ABCA12: variants seen among roughly 807,000 people sequenced by gnomAD.
The protein encoded by ABCA12 is ATP binding cassette subfamily A member 12, also known as glucosylceramide transporter ABCA12.
A neutral mutation model predicts 293.5 loss-of-function variants in ABCA12; 156 were observed. The observed-to-expected ratio is 0.53, with a 90% CI of 0.47 to 0.61. ABCA12 has a LOEUF of 0.61. Among genes scored for constraint, ABCA12 ranks in the 20% least tolerant of loss-of-function variants. The pLI is 0.00. For synonymous variants in ABCA12, 1,063 were observed against 1,108.0 expected (o/e 0.96, Z 0.81); for missense variants, 2,797 against 3,090.2 (o/e 0.91, Z 2.25).
chr2:214,954,811 T>C (rs1698893304), intron 43 of ABCA12, among the ~76,000 whole-genome samples: 1 of 152,182 alleles, frequency 6.6e-6, no homozygotes, highest in African/African-American at 2.4e-5. Flanking sequence ...TTAGGTTTTT[T>C]CTCTATGAAT....
intron 6 of ABCA12, among the ~76,000 whole-genome samples, chr2:215,047,049 G>A (rs891582179): frequency 6.6e-6 from 1 of 152,096 alleles, no homozygotes; most frequent in Non-Finnish European, 1.5e-5. Flanking sequence ...ACACAGAGGG[G>A]AACAACACAC....
At position 214,953,934 on chromosome 2, in the gene ABCA12, C is replaced by T. The variant is rs767465812; in HGVS notation, c.6567G>A (p.Met2189Ile). 2 of 1,614,076 alleles carry T rather than the reference C, an allele frequency of 1.2e-6. No homozygotes were observed. The highest frequency in any genetic ancestry group is 1.7e-6 in the Non-Finnish European group (2 of 1,179,972). ...ETFEMNKLGA[M>I]FVALVSQGTM... Reference sequence around the variant, plus strand: ...TGCCCTGAGAAACCAAAGCCACAAACATTGCACCTAGTTTATTCATCTCAA... The same window carrying T: ...TGCCCTGAGAAACCAAAGCCACAAATATTGCACCTAGTTTATTCATCTCAA... The change falls in exon 44 of 53, where the codon ATG becomes ATA. Residue 2189 changes from methionine (M) to isoleucine (I), a missense_variant. Met to Ile is a conservative substitution (Grantham distance 10). Coordinates refer to ENST00000272895, the MANE Select transcript of ABCA12 (RefSeq NM_173076.3).
chr2:215,056,859 G>A (rs938843543), intron 3 of ABCA12, among the ~76,000 whole-genome samples: 8 of 152,040 alleles, frequency 5.3e-5, no homozygotes, highest in Non-Finnish European at 1.0e-4. Context: ...ATTCCCTGAA[G>A]TTTCTAATGA....
In ABCA12 at chr2:215,108,703, G is replaced by C. The variant is rs2948977; in HGVS notation, c.163+2894C>G. Among the ~76,000 whole-genome samples, 1,158 of 152,194 alleles carry C rather than the reference G, an allele frequency of 7.6e-3. 15 individuals carry two copies. The highest frequency in any genetic ancestry group is 0.026 in the African/African-American group (1,086 of 41,532). On this transcript the variant is annotated intron_variant, in intron 2 of 52. Transcript: ENST00000272895. ...ATACATGAGAAACAAAGAAAAACAA[G>C]AGCAATTTAAAAAACAGGATAAAAG...
At chr2:215,050,758 T>A (rs1701304291) in intron 5 of ABCA12, 1 of 982,238 alleles carries the variant, frequency 1.0e-6, no homozygotes. Context: ...TAGTCATTCA[T>A]CCGTATCTCT....
Position 214,931,785 on chromosome 2 carries a change from G to A in ABCA12, c.*849C>T, listed in dbSNP as rs1284910817. The A allele has an allele frequency of 2.0e-5, 3 of 152,450 alleles. No individual in the cohort carries two copies. Among genetic ancestry groups the A allele is most frequent in the Non-Finnish European group, 4.4e-5 (3 of 68,024 alleles). 9.4% of individuals were successfully genotyped at this position (152,450 alleles called of 1,614,324 possible). On this transcript the variant is annotated 3_prime_UTR_variant, in exon 53 of 53. Coordinates refer to ENST00000272895, the MANE Select transcript of ABCA12 (RefSeq NM_173076.3). ...TTTTCCCTCCACAGGAATGTTTCCT[G>A]AAAAGAAACCCCAAATATGAGGGTT...
chr2:214,998,885 T>C (rs1700087353), intron 22 of ABCA12, among the ~76,000 whole-genome samples: 1 of 152,198 alleles, frequency 6.6e-6, no homozygotes, highest in African/African-American at 2.4e-5. Context: ...GCTCTGTTTA[T>C]GTGTTGGGCT....
chr2:214,947,566 A>G lies in ABCA12; in HGVS notation c.7105-10T>C, dbSNP rs1574930971. ...GGAGTTTATGAACAGTCTGTAGGCA[A>G]TAAAAGGGGAGTTAGGTTGACCTTC... On this transcript the variant is annotated splice_polypyrimidine_tract_variant and intron_variant, in intron 47 of 52. Coordinates refer to ENST00000272895, the MANE Select transcript of ABCA12 (RefSeq NM_173076.3). 5.6e-6 allele frequency: 9 copies of G among 1,613,660 alleles called. No individual in the cohort carries two copies. The highest frequency in any genetic ancestry group is 2.7e-5 in the African/African-American group (2 of 74,938).
At chr2:215,007,583 T>G in intron 19 of ABCA12, 144 bp downstream of exon 19, 1 of 1,045,276 alleles carries the variant, frequency 9.6e-7, no homozygotes. Context: ...TCAGTTACCC[T>G]GTCTCAGACC....
chr2:214,942,975 C>G lies in ABCA12; in HGVS notation c.7386G>C (p.Met2462Ile), dbSNP rs373955277. Residue 2462 changes from methionine to isoleucine, a missense_variant, in exon 50 of 53, where the codon ATG becomes ATC. Physicochemically the swap from Met to Ile is conservative, Grantham distance 10. Coordinates refer to ENST00000272895, the MANE Select transcript of ABCA12 (RefSeq NM_173076.3). Reference sequence around the variant, plus strand: ...CAATACATTGAAACTTTCCATTCACCATAATGGCCAACCTGGTACAGAGAG... The same window carrying G: ...CAATACATTGAAACTTTCCATTCACGATAATGGCCAACCTGGTACAGAGAG... ...CEALCTRLAI[M>I]VNGKFQCIGS... The G allele has an allele frequency of 1.2e-5, 19 of 1,613,380 alleles. 1 individual carries two copies. The East Asian group carries it at 2.7e-4, about 23-fold the overall frequency.
chr2:215,056,202 G>A (rs1701416350), intron 3 of ABCA12, among the ~76,000 whole-genome samples: 1 of 152,030 alleles, frequency 6.6e-6, no homozygotes, highest in Admixed American at 6.6e-5. Context: ...AGAAAGAAGA[G>A]GCAATAGGAA....
chr2:215,103,985 T>TA (rs111652480), intron 2 of ABCA12, among the ~76,000 whole-genome samples: 5,987 of 151,798 alleles, frequency 0.039, 367 homozygotes, highest in African/African-American at 0.13. Flanking sequence ...AGATTCCATT[T>TA]AAAAAAAATG....
At chr2:214,948,942 A>T (rs1698665414) in intron 46 of ABCA12, 98 bp downstream of exon 46, 1 of 1,259,800 alleles carries the variant, frequency 7.9e-7, no homozygotes, top group South Asian at 1.2e-5. Context: ...CTAAGGACTG[A>T]ATAATATAAC....
chr2:214,954,223 G>T, intron 43 of ABCA12, 116 bp from the exon 44 acceptor site: 2 of 1,118,968 alleles, frequency 1.8e-6, no homozygotes, highest in Non-Finnish European at 2.6e-6. Flanking sequence ...ATCTAGATTG[G>T]CAATTATTTC....
chr2:214,955,460 T>C (rs1698916935), intron 42 of ABCA12, 99 bp from the exon 43 acceptor site: 2 of 1,232,462 alleles, frequency 1.6e-6, no homozygotes, highest in South Asian at 2.5e-5. Context: ...GGCAGGTGGA[T>C]CACTTGAGCC....
At position 215,017,996 on chromosome 2, in the gene ABCA12, A is replaced by C. The variant is rs1700543510; in HGVS notation, c.1782+12T>G. On this transcript the variant is annotated intron_variant, in intron 14 of 52. Coordinates refer to ENST00000272895, the MANE Select transcript of ABCA12 (RefSeq NM_173076.3). ...AAGAACTGCATGTAAGTACAAACAC[A>C]TGACACCCCACCTCAGCTCTATTAT... is the stretch of plus-strand genomic sequence containing the variant. 6.2e-7 allele frequency: 1 copy of C among 1,614,134 alleles called. No individual in the cohort carries two copies. Among genetic ancestry groups the C allele is most frequent in the East Asian group, 2.2e-5 (1 of 44,870 alleles).
At chr2:214,987,867 G>C (rs191411816) in intron 26 of ABCA12, 74 bp from the exon 27 acceptor site, 1,107 of 1,545,986 alleles carry the variant, frequency 7.2e-4, no homozygotes, top group Non-Finnish European at 9.1e-4. Context: ...CAAAACAGTA[G>C]ATCCTATGTA....
At chr2:215,073,569 C>T (rs970722128) in intron 2 of ABCA12, among the ~76,000 whole-genome samples, 4 of 146,188 alleles carry the variant, frequency 2.7e-5, no homozygotes, top group African/African-American at 5.1e-5. Context: ...CTGCAGCCCC[C>T]GCCCCCACCG....
In ABCA12 at chr2:214,966,617, C is replaced by T. The variant is rs528288280; in HGVS notation, c.5884+231G>A. 1.3e-3 allele frequency among the ~76,000 whole-genome samples: 196 copies of T among 152,196 alleles called. 1 individual carries two copies. Among genetic ancestry groups the T allele is most frequent in the Middle Eastern group, 0.01 (3 of 294 alleles). On this transcript the variant is annotated intron_variant, in intron 39 of 52. Transcript: ENST00000272895. Reference sequence around the variant, plus strand: ...ACAGCAGACATGCACGTGACGTCAGCATTATTATCCTGATTTGATAGATGA... The same window carrying T: ...ACAGCAGACATGCACGTGACGTCAGTATTATTATCCTGATTTGATAGATGA...
Sources: gnomAD v4.1 joint callset for allele counts (sites outside exome capture counted in the v4.1 genomes callset) on GRCh38, gnomAD v4.1.1 for gene constraint, MANE v1.5 for transcripts, NCBI Gene and HGNC (gene_info 2026-07-23, HGNC 2026-07-21) for gene names.